The following MITD1 variants were observed in gnomAD, a reference collection of about 807,000 sequenced individuals.
MITD1 encodes MIT domain-containing protein 1.
In MITD1, 24 loss-of-function variants were observed where a neutral mutation model predicts 34.9. That is an observed-to-expected ratio of 0.69 (90% confidence interval 0.50 to 0.97). The LOEUF (loss-of-function observed/expected upper bound fraction) is 0.97. Ranked by LOEUF, MITD1 falls within the 50% of genes least tolerant of loss-of-function variation. The pLI is 0.00. For synonymous variants in MITD1, 102 were observed against 101.4 expected, an observed-to-expected ratio of 1.01 and a Z score of -0.04; for missense variants, 266 against 294.6, an observed-to-expected ratio of 0.90 and a Z score of 0.71.
intron 1 of MITD1, 65 bp from the exon 2 acceptor site, chr2:99,174,081 T>C (rs1436412421): frequency 1.1e-6 from 1 of 903,020 alleles, no homozygotes; most frequent in East Asian, 2.7e-5. Flanking sequence ...TTGGGCATTA[T>C]TTTCAGTTTC....
chr2:99,177,798 T>G (rs1441030926), intron 1 of MITD1, among the ~76,000 whole-genome samples: 1 of 152,162 alleles, frequency 6.6e-6, no homozygotes, highest in Admixed American at 6.5e-5. Flanking sequence ...CCACTGCACC[T>G]GGCATCTAAC....
At chr2:99,166,367 C>T (rs889591913), downstream of MITD1, among the ~76,000 whole-genome samples, 2 of 151,586 alleles carry the variant, frequency 1.3e-5, no homozygotes, top group Admixed American at 6.6e-5. Context: ...TTTAAAAGTG[C>T]CCATTGAATA....
At chr2:99,163,076 G>A (rs1210599302) in intron 7 of MITD1, 1 of 1,526,542 alleles carries the variant, frequency 6.6e-7, no homozygotes, top group Non-Finnish European at 8.8e-7. Flanking sequence ...AGGGAATAAT[G>A]TGATTCCAAG....
chr2:99,166,442 G>A (rs1574820181), downstream of MITD1, among the ~76,000 whole-genome samples: 2 of 144,332 alleles, frequency 1.4e-5, no homozygotes, highest in South Asian at 4.4e-4. Context: ...TGGGGCAGTC[G>A]CCAGACTGAA....
intron 1 of MITD1, among the ~76,000 whole-genome samples, chr2:99,174,258 G>A (rs967642439): frequency 5.3e-5 from 8 of 151,990 alleles, no homozygotes; most frequent in African/African-American, 1.7e-4. Flanking sequence ...CTCATCTCTG[G>A]GACATCAAAT....
rs769975874 is a variant in MITD1, at chr2:99,162,551, A to G, written c.*4-333T>C. 65 of 1,614,032 alleles carry G rather than the reference A, an allele frequency of 4.0e-5. No individual in the cohort carries two copies. Among genetic ancestry groups the G allele is most frequent in the Non-Finnish European group, 5.3e-5 (62 of 1,180,042 alleles). Reference sequence around the variant, plus strand: ...CTTCTTTGCTAAAGAGCCCTTACCAAGGGATCAGGAGCAATGCCACTGCTA... The same window carrying G: ...CTTCTTTGCTAAAGAGCCCTTACCAGGGGATCAGGAGCAATGCCACTGCTA... On this transcript the variant is annotated intron_variant, in intron 7 of 7. Coordinates refer to the MITD1 transcript ENST00000422537.
At chr2:99,167,128 A>G (rs887781054), downstream of MITD1, among the ~76,000 whole-genome samples, 2 of 151,860 alleles carry the variant, frequency 1.3e-5, no homozygotes, top group East Asian at 1.9e-4. Flanking sequence ...CTTTTATTCT[A>G]TCCCACTGAT....
intron 2 of MITD1, chr2:99,172,384 T>TA (rs61302679): frequency 0.063 from 8,298 of 132,578 alleles, 436 homozygotes; most frequent in East Asian, 0.21. Context: ...GACTCTGCCT[T>TA]AAAAAAAAAA....
Position 99,174,886 on chromosome 2 carries a change from CG to C in MITD1, c.152-871del, listed in dbSNP as rs1559180834. On this transcript the variant is annotated intron_variant, in intron 1 of 6. Coordinates refer to ENST00000289359, the MANE Select transcript of MITD1 (RefSeq NM_138798.3). ...GATTACAGGCGTGAGCCACCGTGCC[CG>C]GCCCATTTTTGTATTTTTAGTAGAG... Among the ~76,000 whole-genome samples, 3 of 151,674 alleles carry C rather than the reference CG, an allele frequency of 2.0e-5. 1 individual carries two copies. The highest frequency in any genetic ancestry group is 7.3e-5 in the African/African-American group (3 of 41,354).
In MITD1 at chr2:99,169,565, A is replaced by G. The variant is rs1312233352; in HGVS notation, c.639T>C (p.Tyr213=). The change falls in exon 6 of 7, where the codon TAT becomes TAC. Residue 213 remains tyrosine (Y), a synonymous_variant. Coordinates refer to ENST00000289359, the MANE Select transcript of MITD1 (RefSeq NM_138798.3). ...WMIKIGRGLD[Y]FKKPQSRFSL... Reference sequence around the variant, plus strand: ...TATATCCTACCTGTGGTTTCTTAAAATAATCAAGTCCCCTTCCAATCTTAA... The same window carrying G: ...TATATCCTACCTGTGGTTTCTTAAAGTAATCAAGTCCCCTTCCAATCTTAA... 6.2e-7 allele frequency: 1 copy of G among 1,609,810 alleles called. No individual in the cohort carries two copies. Among genetic ancestry groups the G allele is most frequent in the Admixed American group, 1.7e-5 (1 of 60,012 alleles).
chr2:99,169,658 C>T, intron 5 of MITD1, 48 bp from the exon 6 acceptor site: 3 of 1,462,428 alleles, frequency 2.1e-6, no homozygotes, highest in Non-Finnish European at 1.9e-6. Context: ...TTAAGTCAGA[C>T]TATTAATAAA....
intron 2 of MITD1, chr2:99,171,887 A>G: frequency 2.3e-6 from 1 of 437,518 alleles, no homozygotes; most frequent in Non-Finnish European, 4.1e-6. Flanking sequence ...GCAAGGGGGA[A>G]AATCTAGAGG....
chr2:99,180,413 T>C (rs1240564912), intron 1 of MITD1, among the ~76,000 whole-genome samples: 1 of 152,188 alleles, frequency 6.6e-6, no homozygotes, highest in East Asian at 1.9e-4. Context: ...TAAAACACTT[T>C]GGTCTGCATC....
At chr2:99,165,224 C>T (rs1041153352), downstream of MITD1, among the ~76,000 whole-genome samples, 5 of 152,098 alleles carry the variant, frequency 3.3e-5, no homozygotes, top group African/African-American at 9.7e-5. Context: ...TGCACCACCA[C>T]GCCTGGCTAA....
At position 99,173,992 on chromosome 2, in the gene MITD1, C is replaced by T. The variant is rs1239862161; in HGVS notation, c.176G>A (p.Cys59Tyr). The stretch of plus-strand genomic sequence containing the variant: ...TTTGGAAATTTTTTCTCTGAGATTA[C>T]ATCTCTTAGTATTATCTTTGGTACC... Reference protein sequence around the residue: ...LKGTKDNTKRCNLREKISKYM... With the variant: ...LKGTKDNTKRYNLREKISKYM... The change falls in exon 2 of 7, where the codon TGT becomes TAT. Residue 59 changes from cysteine (C) to tyrosine (Y), a missense_variant. Physicochemically the swap from Cys to Tyr is radical, Grantham distance 194. Coordinates refer to ENST00000289359, the MANE Select transcript of MITD1 (RefSeq NM_138798.3). The T allele has an allele frequency of 6.4e-7, 1 of 1,572,174 alleles. No individual in the cohort carries two copies. The highest frequency in any genetic ancestry group is 8.7e-7 in the Non-Finnish European group (1 of 1,144,036).
chr2:99,164,604 G>T (rs2964987), downstream of MITD1, among the ~76,000 whole-genome samples: 26 of 152,260 alleles, frequency 1.7e-4, no homozygotes, highest in African/African-American at 5.5e-4. Flanking sequence ...GATTATCTCA[G>T]ACTGGGGGTA....
In MITD1 at chr2:99,180,123, C is replaced by T. The variant is rs78140926; in HGVS notation, c.151+708G>A. Reference sequence around the variant, plus strand: ...GGGTATTTCTCAACATTGAATAATACGAAAAGTCTCACTTGTCTCCTCCAC... The same window carrying T: ...GGGTATTTCTCAACATTGAATAATATGAAAAGTCTCACTTGTCTCCTCCAC... On this transcript the variant is annotated intron_variant, in intron 1 of 6. Transcript: ENST00000289359. Among the ~76,000 whole-genome samples the T allele has an allele frequency of 9.6e-3, 1,465 of 152,200 alleles. 15 individuals carry two copies. Among genetic ancestry groups the T allele is most frequent in the African/African-American group, 0.033 (1,391 of 41,530 alleles).
At chr2:99,180,072 G>A (rs1259907658) in intron 1 of MITD1, among the ~76,000 whole-genome samples, 2 of 152,094 alleles carry the variant, frequency 1.3e-5, no homozygotes, top group African/African-American at 2.4e-5. Context: ...GTGAGCCAGG[G>A]TTGTGCTGGG....
chr2:99,175,819 A>G (rs2093883566), intron 1 of MITD1, among the ~76,000 whole-genome samples: 1 of 152,174 alleles, frequency 6.6e-6, no homozygotes, highest in African/African-American at 2.4e-5. Flanking sequence ...ATCCAATACT[A>G]TCATTTTCCT....
Sources: allele counts gnomAD v4.1 joint callset (sites outside exome capture counted in the v4.1 genomes callset), GRCh38; gene constraint gnomAD v4.1.1; transcripts MANE v1.5; gene names NCBI Gene and HGNC (gene_info 2026-07-23, HGNC 2026-07-21).